The following VAT1L variants were observed in gnomAD, a reference collection of about 807,000 sequenced individuals.
VAT1L encodes vesicle amine transport 1 like, also known as putative NADPH-dependent quinone oxidoreductase VAT1L.
VAT1L carries 34 observed loss-of-function variants against 44.1 expected under a neutral mutation model. The observed-to-expected ratio is 0.77, with a 90% confidence interval of 0.59 to 1.03. The LOEUF (loss-of-function observed/expected upper bound fraction) is 1.03, where lower values mean the gene tolerates loss of function less well. VAT1L is among the 50% of genes least tolerant of loss of function. The probability of loss-of-function intolerance (pLI) is 0.00; values close to 1 mark genes in which losing one functional copy is unlikely to be tolerated. For missense variants in VAT1L, 615 were observed against 538.8 expected (o/e 1.14, Z -1.40); for synonymous variants, 253 against 202.2 (o/e 1.25, Z -2.13).
chr16:77,814,345 A>T lies in VAT1L; in HGVS notation c.234-2576A>T, dbSNP rs561810263. The stretch of plus-strand genomic sequence containing the variant: ...CTCCAAAATACACCTGCGTCCTAAA[A>T]ATAGGGGGCATTCTCCATGACCTGA... On this transcript the variant is annotated intron_variant, in intron 1 of 8. Coordinates refer to ENST00000302536, the MANE Select transcript of VAT1L (RefSeq NM_020927.3). 3.3e-5 allele frequency among the ~76,000 whole-genome samples: 5 copies of T among 152,288 alleles called. No individual in the cohort carries two copies. In the East Asian group the frequency reaches 9.7e-4, roughly 29 times the overall value.
intron 7 of VAT1L, among the ~76,000 whole-genome samples, chr16:77,912,557 G>A (rs748161527): frequency 1.3e-5 from 2 of 151,824 alleles, no homozygotes; most frequent in Non-Finnish European, 2.9e-5. Flanking sequence ...TCTACTTTAT[G>A]TTTATTATTA....
At chr16:77,892,568 G>T (rs2017279174) in intron 7 of VAT1L, 36 of 613,498 alleles carry the variant, frequency 5.9e-5, no homozygotes, top group South Asian at 4.5e-4. Context: ...TGGTTATAAG[G>T]GTTCATGCTT....
chr16:77,927,616 G>A (rs932710568), intron 7 of VAT1L, among the ~76,000 whole-genome samples: 9 of 152,002 alleles, frequency 5.9e-5, no homozygotes, highest in Middle Eastern at 3.4e-3. Flanking sequence ...GGTAGCTTTT[G>A]CCTGTAATCC....
At chr16:77,927,606 G>A (rs547892939) in intron 7 of VAT1L, among the ~76,000 whole-genome samples, 26 of 152,114 alleles carry the variant, frequency 1.7e-4, no homozygotes, top group Non-Finnish European at 3.1e-4. Flanking sequence ...GGCCAGGCGC[G>A]GTAGCTTTTG....
intron 7 of VAT1L, among the ~76,000 whole-genome samples, chr16:77,967,495 CAA>C (rs1045815302): frequency 2.0e-5 from 3 of 152,188 alleles, no homozygotes; most frequent in Admixed American, 6.5e-5. Context: ...AGCAGCCTAA[CAA>C]GAGGATAGAA....
At chr16:77,953,387 G>C (rs2018065923) in intron 7 of VAT1L, among the ~76,000 whole-genome samples, 1 of 152,132 alleles carries the variant, frequency 6.6e-6, no homozygotes, top group African/African-American at 2.4e-5. Context: ...GATTAGTTTA[G>C]CTCAAGACTG....
At chr16:77,807,197 C>T (rs1210888363) in intron 1 of VAT1L, among the ~76,000 whole-genome samples, 1 of 152,194 alleles carries the variant, frequency 6.6e-6, no homozygotes, top group Non-Finnish European at 1.5e-5. Context: ...AGAGATCACA[C>T]TACTCTTCTT....
intron 7 of VAT1L, among the ~76,000 whole-genome samples, chr16:77,938,884 T>G (rs529802774): frequency 6.8e-6 from 1 of 146,828 alleles, no homozygotes; most frequent in Non-Finnish European, 1.6e-5. Flanking sequence ...AAGATCATCA[T>G]TGCTTTTTCT....
rs1428257981 is a variant in VAT1L at position 77,862,760 on chromosome 16, G to A, written c.592G>A (p.Ala198Thr). 1 of 1,613,686 alleles carries A rather than the reference G, an allele frequency of 6.2e-7. No homozygotes were observed. The highest frequency in any genetic ancestry group is 1.1e-5 in the South Asian group (1 of 90,960). Reference sequence around the variant, plus strand: ...CTTTTCCTTCCAGGGTCAAGCTGTGGCTCAGCTGTGTTCCACTGTCCCCAA... The same window carrying A: ...CTTTTCCTTCCAGGGTCAAGCTGTGACTCAGCTGTGTTCCACTGTCCCCAA... ...SAGGGVGQAV[A>T]QLCSTVPNVT... The change falls in exon 4 of 9, where the codon GCT (alanine) becomes ACT (threonine). Residue 198 changes from alanine (A) to threonine (T), a missense_variant. Ala to Thr is a moderately conservative substitution (Grantham distance 58). Transcript: ENST00000302536.
intron 3 of VAT1L, among the ~76,000 whole-genome samples, chr16:77,854,119 C>A (rs1275057657): frequency 6.6e-6 from 1 of 151,778 alleles, no homozygotes; most frequent in East Asian, 1.9e-4. Flanking sequence ...CAGAGTGAGA[C>A]TCTGTCTCAA....
rs555063914 is a variant in VAT1L, at chr16:77,806,724, C to A, written c.234-10197C>A. On this transcript the variant is annotated intron_variant, in intron 1 of 8. Coordinates refer to ENST00000302536, the MANE Select transcript of VAT1L (RefSeq NM_020927.3). The stretch of plus-strand genomic sequence containing the variant: ...TTACTAAACATTACTTTTATCATAT[C>A]TTTTATGATATGATAACATATCATA... Among the ~76,000 whole-genome samples, 29 of 152,230 alleles carry A rather than the reference C, an allele frequency of 1.9e-4. No homozygotes were observed. In the South Asian group the frequency reaches 5.8e-3, roughly 30 times the overall value.
At chr16:77,903,862 G>C (rs28507018) in intron 7 of VAT1L, among the ~76,000 whole-genome samples, 2 of 150,144 alleles carry the variant, frequency 1.3e-5, no homozygotes, top group Non-Finnish European at 3.0e-5. Context: ...TCAGCCTCCC[G>C]AGTAGCTGGG....
chr16:77,814,131 G>A (rs2145231760), intron 1 of VAT1L, among the ~76,000 whole-genome samples: 1 of 152,270 alleles, frequency 6.6e-6, no homozygotes. Context: ...GAGGAGTATT[G>A]ATGAGTCTTA....
rs1447909720 is a variant in VAT1L, at chr16:77,808,569, G to A, written c.234-8352G>A. Among the ~76,000 whole-genome samples the A allele has an allele frequency of 5.3e-5, 8 of 152,048 alleles. No homozygotes were observed. The South Asian group carries it at 6.2e-4, about 12-fold the overall frequency. On this transcript the variant is annotated intron_variant, in intron 1 of 8. Transcript: ENST00000302536. ...TTGCTCTAGAAGACCACTTGTCATCGTACAGTGATCAGTTTTGTTTCTGTT... is the reference window on the plus strand; with the variant it reads ...TTGCTCTAGAAGACCACTTGTCATCATACAGTGATCAGTTTTGTTTCTGTT...
intron 7 of VAT1L, among the ~76,000 whole-genome samples, chr16:77,939,313 A>G (rs1041896646): frequency 2.0e-5 from 3 of 152,102 alleles, no homozygotes; most frequent in African/African-American, 7.2e-5. Context: ...AGCTCCTGAG[A>G]GCCAATTGTG....
intron 3 of VAT1L, among the ~76,000 whole-genome samples, chr16:77,844,906 A>G (rs2016744003): frequency 6.6e-6 from 1 of 152,200 alleles, no homozygotes; most frequent in South Asian, 2.1e-4. Context: ...AGAGAATATC[A>G]GGCAGAGAGA....
At chr16:77,953,970 A>T (rs2018073743) in intron 7 of VAT1L, among the ~76,000 whole-genome samples, 1 of 152,050 alleles carries the variant, frequency 6.6e-6, no homozygotes. Flanking sequence ...TTAGACCATG[A>T]ACTGTGGGTT....
At chr16:77,854,560 C>T (rs954621601) in intron 3 of VAT1L, among the ~76,000 whole-genome samples, 1 of 152,176 alleles carries the variant, frequency 6.6e-6, no homozygotes, top group African/African-American at 2.4e-5. Context: ...GTAAGAAAAA[C>T]GTAAGTATGG....
At chr16:77,839,498 T>C (rs2016679389) in intron 3 of VAT1L, among the ~76,000 whole-genome samples, 1 of 118,456 alleles carries the variant, frequency 8.4e-6, no homozygotes, top group African/African-American at 3.3e-5. Context: ...ATCGCGCCAC[T>C]GCACTCCAGC....
Sources: allele counts gnomAD v4.1 joint callset (sites outside exome capture counted in the v4.1 genomes callset), GRCh38; gene constraint gnomAD v4.1.1; transcripts MANE v1.5; gene names NCBI Gene and HGNC (gene_info 2026-07-23, HGNC 2026-07-21).